PCDH15: variants seen among roughly 807,000 people sequenced by gnomAD.
PCDH15 encodes protocadherin related 15, also known as protocadherin-15.
Under a neutral mutation model 178.5 loss-of-function variants are expected in PCDH15, and 129 were observed. The observed-to-expected ratio is 0.72, with a 90% confidence interval of 0.63 to 0.84. The LOEUF (loss-of-function observed/expected upper bound fraction) is 0.84, where lower values mean the gene tolerates loss of function less well. Among genes scored for constraint, PCDH15 ranks in the 40% least tolerant of loss-of-function variants. The pLI, the probability that PCDH15 is intolerant of heterozygous loss-of-function variation, is 0.00. For missense variants in PCDH15, 2,230 were observed against 2,099.9 expected (o/e 1.06, Z -1.21); for synonymous variants, 800 against 732.0 (o/e 1.09, Z -1.50).
intron 1 of PCDH15, among the ~76,000 whole-genome samples, chr10:54,706,436 T>C (rs1457272734): frequency 1.3e-5 from 2 of 152,174 alleles, no homozygotes; most frequent in Non-Finnish European, 2.9e-5. Context: ...CATTGAAAAC[T>C]TGAAGAAATA....
intron 2 of PCDH15, among the ~76,000 whole-genome samples, chr10:54,900,476 A>C (rs2131824855): frequency 6.6e-6 from 1 of 152,332 alleles, no homozygotes; most frequent in East Asian, 1.9e-4. Flanking sequence ...TTAAGGTGGT[A>C]ACTGAATAAA....
intron 10 of PCDH15, among the ~76,000 whole-genome samples, chr10:54,198,792 A>G (rs1011509341): frequency 2.0e-5 from 3 of 151,954 alleles, no homozygotes; most frequent in Non-Finnish European, 4.4e-5. Context: ...TGAGCCAATA[A>G]CCAGCATGTC....
intron 5 of PCDH15, among the ~76,000 whole-genome samples, chr10:54,354,143 G>T (rs763892553): frequency 6.6e-6 from 1 of 152,056 alleles, no homozygotes; most frequent in African/African-American, 2.4e-5. Flanking sequence ...GCGCCACCAC[G>T]CCTGGCTAAT....
chr10:54,238,124 G>C (rs2054819286), intron 8 of PCDH15, among the ~76,000 whole-genome samples: 1 of 152,062 alleles, frequency 6.6e-6, no homozygotes, highest in African/African-American at 2.4e-5. Context: ...TGGGCTGAGG[G>C]CTGTGAAACT....
At chr10:53,894,048 T>A (rs2133531076) in intron 26 of PCDH15, among the ~76,000 whole-genome samples, 1 of 152,188 alleles carries the variant, frequency 6.6e-6, no homozygotes, top group South Asian at 2.1e-4. Context: ...TGAAATAAAA[T>A]AAACTAAATT....
At chr10:54,512,359 T>TTGTG (rs200575121) in intron 3 of PCDH15, among the ~76,000 whole-genome samples, 6,425 of 133,998 alleles carry the variant, frequency 0.048, 161 homozygotes, top group Non-Finnish European at 0.061. Flanking sequence ...ATTTCTGGCA[T>TTGTG]TGTGTGTGTG....
At chr10:54,102,649 A>G (rs780623482) in intron 15 of PCDH15, among the ~76,000 whole-genome samples, 4 of 152,212 alleles carry the variant, frequency 2.6e-5, no homozygotes, top group African/African-American at 9.6e-5. Flanking sequence ...TTTTCTAGGT[A>G]GAAGAAGCTC....
At chr10:54,174,691 C>CT (rs1384774977) in intron 13 of PCDH15, among the ~76,000 whole-genome samples, 1,460 of 96,590 alleles carry the variant, frequency 0.015, 27 homozygotes, top group African/African-American at 0.045. Flanking sequence ...TTTCTTTTTT[C>CT]TTTTTCTTTT....
intron 2 of PCDH15, among the ~76,000 whole-genome samples, chr10:55,044,018 T>C (rs1840935496): frequency 6.6e-6 from 1 of 152,150 alleles, no homozygotes; most frequent in Admixed American, 6.6e-5. Flanking sequence ...AACAAATTGC[T>C]TGTGGACAGC....
intron 2 of PCDH15, among the ~76,000 whole-genome samples, chr10:55,359,720 GTA>G (rs57949952): frequency 0.046 from 5,205 of 112,726 alleles, 124 homozygotes; most frequent in Middle Eastern, 0.093. Context: ...AAAATGTGGT[GTA>G]TATATATATA....
chr10:55,564,550 A>T (rs2132102650), intron 2 of PCDH15, among the ~76,000 whole-genome samples: 1 of 151,776 alleles, frequency 6.6e-6, no homozygotes, highest in Non-Finnish European at 1.5e-5. Flanking sequence ...AAGCCCTTCA[A>T]ACAAAAGACT....
rs1281727794 is a variant in PCDH15 at position 54,991,413 on chromosome 10, GTATACTGTA to G, written c.-79-93922_-79-93914del. Among the ~76,000 whole-genome samples, 4 of 152,216 alleles carry G rather than the reference GTATACTGTA, an allele frequency of 2.6e-5. No individual in the cohort carries two copies. The East Asian group carries it at 7.7e-4, about 29-fold the overall frequency. On this transcript the variant is annotated intron_variant, in intron 2 of 5. Transcript: ENST00000458638. ...TTGAAAAAAGAGAAAAGCTGGGCATGTATACTGTATATAACCAAACATTTTACTTTAATG... is the reference window on the plus strand; with the variant it reads ...TTGAAAAAAGAGAAAAGCTGGGCATGTATAACCAAACATTTTACTTTAATG...
intron 35 of PCDH15, among the ~76,000 whole-genome samples, chr10:53,815,074 T>C (rs891456463): frequency 1.3e-5 from 2 of 152,020 alleles, no homozygotes; most frequent in Non-Finnish European, 2.9e-5. Flanking sequence ...ACAGTCCCAG[T>C]AGACTGTAAC....
intron 1 of PCDH15, among the ~76,000 whole-genome samples, chr10:54,759,828 T>C (rs1224322833): frequency 6.6e-6 from 1 of 152,194 alleles, no homozygotes; most frequent in Admixed American, 6.5e-5. Flanking sequence ...GCTGAACTTT[T>C]TGAGGTAATG....
intron 2 of PCDH15, chr10:55,513,357 T>C (rs953536526): frequency 6.6e-6 from 1 of 152,164 alleles, no homozygotes; most frequent in African/African-American, 2.4e-5. Flanking sequence ...TGTCTGAAAC[T>C]TGATCTTGGT....
At chr10:55,403,401 C>A (rs941282744) in intron 2 of PCDH15, among the ~76,000 whole-genome samples, 5 of 148,688 alleles carry the variant, frequency 3.4e-5, no homozygotes, top group African/African-American at 1.3e-4. Flanking sequence ...CCTTTTTTTT[C>A]TTTTTATTAC....
chr10:54,999,376 A>G (rs771593129), intron 2 of PCDH15, among the ~76,000 whole-genome samples: 3 of 152,224 alleles, frequency 2.0e-5, no homozygotes, highest in Non-Finnish European at 4.4e-5. Context: ...AGGTAGGAGT[A>G]GAAATGTTTA....
In PCDH15 at chr10:54,231,894, T is replaced by A. The variant is rs541610726; in HGVS notation, c.985+4929A>T. On this transcript the variant is annotated intron_variant, in intron 9 of 37. Coordinates refer to ENST00000644397, the MANE Select transcript of PCDH15 (RefSeq NM_001384140.1). ...TCACCCAAAGCCTGTACCCCCATTGTATCTTGTAAGTTTTTTCAGGCTCAT... is the reference window on the plus strand; with the variant it reads ...TCACCCAAAGCCTGTACCCCCATTGAATCTTGTAAGTTTTTTCAGGCTCAT... Among the ~76,000 whole-genome samples the A allele has an allele frequency of 2.6e-3, 399 of 152,292 alleles. 1 individual carries two copies. The highest frequency in any genetic ancestry group is 3.6e-3 in the Non-Finnish European group (246 of 68,012).
intron 2 of PCDH15, among the ~76,000 whole-genome samples, chr10:55,392,672 T>G (rs1174475213): frequency 6.6e-6 from 1 of 152,182 alleles, no homozygotes; most frequent in Non-Finnish European, 1.5e-5. Context: ...TATTTCACCA[T>G]AGGTAAATAA....
Sources: gnomAD v4.1 joint callset for allele counts (sites outside exome capture counted in the v4.1 genomes callset) on GRCh38, gnomAD v4.1.1 for gene constraint, MANE v1.5 for transcripts, NCBI Gene and HGNC (gene_info 2026-07-23, HGNC 2026-07-21) for gene names.